ZNF69: variants seen among roughly 807,000 people sequenced by gnomAD.
The protein encoded by ZNF69 is ZNF3.
ZNF69 carries 47 observed loss-of-function variants against 50.9 expected under a neutral mutation model. The observed-to-expected ratio is 0.92, with a 90% confidence interval of 0.73 to 1.18. The LOEUF is 1.18. Among genes scored for constraint, ZNF69 ranks in the 50% most tolerant of loss-of-function variants. The pLI, the probability that ZNF69 is intolerant of heterozygous loss-of-function variation, is 0.00. For synonymous variants in ZNF69, 216 were observed against 223.1 expected, an observed-to-expected ratio of 0.97 and a Z score of 0.29; for missense variants, 717 against 675.1, an observed-to-expected ratio of 1.06 and a Z score of -0.69.
the ZNF69 span, among the ~76,000 whole-genome samples, chr19:11,967,124 C>G: frequency 3.3e-5 from 5 of 152,266 alleles, no homozygotes; most frequent in African/African-American, 1.2e-4. Context: ...CACTTGAGGT[C>G]AAGAGTTCGA....
At chr19:11,908,972 A>G (rs1972418977), downstream of ZNF69, among the ~76,000 whole-genome samples, 1 of 152,198 alleles carries the variant, frequency 6.6e-6, no homozygotes, top group South Asian at 2.1e-4. Context: ...AGATGCAATA[A>G]AAAATGATAA....
the ZNF69 span, among the ~76,000 whole-genome samples, chr19:11,921,591 A>G: frequency 1.5e-4 from 23 of 148,704 alleles, no homozygotes; most frequent in East Asian, 3.8e-3. Flanking sequence ...CAACCTTCCA[A>G]CTCCCGGGTT....
At chr19:11,936,350 T>G in the ZNF69 span, among the ~76,000 whole-genome samples, 2 of 152,214 alleles carry the variant, frequency 1.3e-5, no homozygotes, top group Admixed American at 1.3e-4. Flanking sequence ...CCAGCACCTG[T>G]TGTTTCCTGA....
the ZNF69 span, among the ~76,000 whole-genome samples, chr19:11,958,074 A>G: frequency 7.2e-5 from 11 of 152,328 alleles, no homozygotes; most frequent in South Asian, 1.4e-3. Flanking sequence ...GTGCTCTTGC[A>G]CAACACAAAG....
the ZNF69 span, among the ~76,000 whole-genome samples, chr19:11,963,394 C>G: frequency 6.6e-6 from 1 of 152,232 alleles, no homozygotes; most frequent in Non-Finnish European, 1.5e-5. Flanking sequence ...GGTATCCGGC[C>G]TCCCAGGCTG....
chr19:11,925,005 T>A, the ZNF69 span: 1 of 515,024 alleles, frequency 1.9e-6, no homozygotes, highest in Non-Finnish European at 3.5e-6. Flanking sequence ...GGGCTTCAGC[T>A]GTCACTCAGA....
the ZNF69 span, among the ~76,000 whole-genome samples, chr19:11,945,710 TTCCTCC>T: frequency 6.6e-6 from 1 of 152,048 alleles, no homozygotes; most frequent in African/African-American, 2.4e-5. Flanking sequence ...AAAGTCTTCA[TTCCTCC>T]TCCTGGGGGA....
At chr19:11,925,127 G>T in the ZNF69 span, 1 of 1,537,304 alleles carries the variant, frequency 6.5e-7, no homozygotes, top group Non-Finnish European at 8.9e-7. Context: ...CTCGCTGCGC[G>T]GGCGGCGGTT....
At chr19:11,977,428 T>A in the ZNF69 span, 1 of 1,613,824 alleles carries the variant, frequency 6.2e-7, no homozygotes, top group Non-Finnish European at 8.5e-7. Context: ...AGGAGAAACT[T>A]CAGGTAATTG....
At position 11,902,411 on chromosome 19, in the gene ZNF69, G is replaced by C. The variant is rs999258318; in HGVS notation, c.64-1162G>C. On this transcript the variant is annotated intron_variant, in intron 1 of 3. Transcript: ENST00000429654. ...CTCATTACTGCCACCTCAGGAAGGT[G>C]GTATAGTGGTTAAATCTGTGCTTAT... is the stretch of plus-strand genomic sequence containing the variant. Among the ~76,000 whole-genome samples, 4 of 152,004 alleles carry C rather than the reference G, an allele frequency of 2.6e-5. No individual in the cohort carries two copies. In the South Asian group the frequency reaches 6.2e-4, roughly 24 times the overall value.
intron 1 of ZNF69, among the ~76,000 whole-genome samples, chr19:11,897,327 A>G (rs1049825358): frequency 6.6e-6 from 1 of 152,174 alleles, no homozygotes; most frequent in Non-Finnish European, 1.5e-5. Context: ...AGCCTGGGCA[A>G]CAAGAGTGAA....
chr19:11,897,987 T>C (rs1173081566), intron 1 of ZNF69, among the ~76,000 whole-genome samples: 1 of 152,198 alleles, frequency 6.6e-6, no homozygotes, highest in Non-Finnish European at 1.5e-5. Context: ...TCACTGATAG[T>C]TATTTCTGTA....
At chr19:11,979,239 G>A in the ZNF69 span, 128,736 of 1,612,272 alleles carry the variant, frequency 0.08, 12,769 homozygotes, top group African/African-American at 0.51. Context: ...GTTCCTTTCA[G>A]TATCATGAAA....
the ZNF69 span, among the ~76,000 whole-genome samples, chr19:11,954,740 A>C: frequency 6.6e-6 from 1 of 151,796 alleles, no homozygotes; most frequent in African/African-American, 2.4e-5. Context: ...AGGAGAACCA[A>C]AGCCTGGGAG....
the ZNF69 span, among the ~76,000 whole-genome samples, chr19:11,962,600 AC>A: frequency 0.1 from 14,786 of 145,736 alleles, 1,128 homozygotes; most frequent in African/African-American, 0.22. Context: ...GGCTCAAGTG[AC>A]CCCCCCCCAC....
chr19:11,907,157 C>T (rs1972390718), downstream of ZNF69, among the ~76,000 whole-genome samples: 1 of 152,136 alleles, frequency 6.6e-6, no homozygotes, highest in East Asian at 1.9e-4. Flanking sequence ...GAAAAAGCCT[C>T]CAAGAAATAT....
intron 1 of ZNF69, among the ~76,000 whole-genome samples, chr19:11,895,505 G>A (rs1479186982): frequency 6.6e-6 from 1 of 152,186 alleles, no homozygotes; most frequent in Non-Finnish European, 1.5e-5. Flanking sequence ...TTAAGAGGTG[G>A]TCTGTACCAT....
the ZNF69 span, chr19:11,948,177 T>G: frequency 1.1e-5 from 15 of 1,382,714 alleles, no homozygotes; most frequent in African/African-American, 2.2e-4. Context: ...AAGCCTACAC[T>G]TTGATGGACA....
the ZNF69 span, among the ~76,000 whole-genome samples, chr19:11,974,121 CTTT>C: frequency 2.7e-5 from 2 of 74,908 alleles, no homozygotes; most frequent in African/African-American, 1.1e-4. Context: ...TTCTTTCTTT[CTTT>C]CTTTTCTTTC....
Sources: gnomAD v4.1 joint callset for allele counts (sites outside exome capture counted in the v4.1 genomes callset) on GRCh38, gnomAD v4.1.1 for gene constraint, MANE v1.5 for transcripts, NCBI Gene and HGNC (gene_info 2026-07-23, HGNC 2026-07-21) for gene names.